TMEM167A: variants seen among roughly 807,000 people sequenced by gnomAD.
The protein encoded by TMEM167A is protein kish-A.
Under a neutral mutation model 11.6 loss-of-function variants are expected in TMEM167A, and 8 were observed. That is an observed-to-expected ratio of 0.69 (90% CI 0.40 to 1.24). TMEM167A has a LOEUF of 1.24. TMEM167A is among the 50% of genes most tolerant of loss of function. The probability of loss-of-function intolerance (pLI) is 0.01; values close to 1 mark genes in which losing one functional copy is unlikely to be tolerated. For synonymous variants in TMEM167A, 22 were observed against 28.0 expected (o/e 0.79, Z 0.67); for missense variants, 62 against 87.0 (o/e 0.71, Z 1.14).
rs2112236440 is a variant in TMEM167A at position 83,055,866 on chromosome 5, C to T, written c.*1218G>A. 1 of 151,980 alleles carries T rather than the reference C, an allele frequency of 6.6e-6. No individual in the cohort carries two copies. Among genetic ancestry groups the T allele is most frequent in the South Asian group, 2.1e-4 (1 of 4,824 alleles). 9.4% of individuals were successfully genotyped at this position (151,980 alleles called of 1,614,324 possible). A position where few individuals can be genotyped will look rare whatever the true frequency, so the allele number is the denominator to read the frequency against. ...TATCTTTATGATGAATTAATAGCTG[C>T]AAACAATCTAATTAATACTATCTAC... On this transcript the variant is annotated 3_prime_UTR_variant, in exon 4 of 4. Transcript: ENST00000502346.
chr5:83,062,806 C>A (rs1744425636), intron 2 of TMEM167A, among the ~76,000 whole-genome samples: 1 of 149,148 alleles, frequency 6.7e-6, no homozygotes, highest in Non-Finnish European at 1.5e-5. Context: ...ATTATTATCT[C>A]AAGAAAATCA....
In TMEM167A at chr5:83,065,124, A is replaced by AT; in HGVS notation, c.4-8_4-7insA. The AT allele has an allele frequency of 2.0e-6, 3 of 1,520,998 alleles. No individual in the cohort carries two copies. Among genetic ancestry groups the AT allele is most frequent in the Non-Finnish European group, 1.8e-6 (2 of 1,122,600 alleles). 94.2% of individuals were successfully genotyped at this position (1,520,998 alleles called of 1,614,324 possible). A position where few individuals can be genotyped will look rare whatever the true frequency, so the allele number is the denominator to read the frequency against. On this transcript the variant is annotated splice_polypyrimidine_tract_variant and splice_region_variant and intron_variant, in intron 1 of 3. Coordinates refer to ENST00000502346, the MANE Select transcript of TMEM167A (RefSeq NM_174909.5). ...GAAAATTGAAAATGGCAGACTAAAA[A>AT]GAAAAAAAAAAAAGAAAAATTAATA... is the stretch of plus-strand genomic sequence containing the variant.
At chr5:83,060,734 G>C (rs989161924) in intron 3 of TMEM167A, among the ~76,000 whole-genome samples, 1 of 151,928 alleles carries the variant, frequency 6.6e-6, no homozygotes, top group Non-Finnish European at 1.5e-5. Context: ...GGGAGACTGA[G>C]GCAGGAGAAA....
Position 83,055,860 on chromosome 5 carries a change from T to G in TMEM167A, c.*1224A>C, listed in dbSNP as rs1424839709. ...TCATTTTATCTTTATGATGAATTAA[T>G]AGCTGCAAACAATCTAATTAATACT... On this transcript the variant is annotated 3_prime_UTR_variant, in exon 4 of 4. Transcript: ENST00000502346. The G allele has an allele frequency of 6.6e-6, 1 of 152,024 alleles. No individual in the cohort carries two copies. Among genetic ancestry groups the G allele is most frequent in the East Asian group, 1.9e-4 (1 of 5,198 alleles). 9.4% of individuals were successfully genotyped at this position (152,024 alleles called of 1,614,324 possible).
At chr5:83,069,057 T>C (rs1744525386) in intron 1 of TMEM167A, among the ~76,000 whole-genome samples, 1 of 152,214 alleles carries the variant, frequency 6.6e-6, no homozygotes, top group Non-Finnish European at 1.5e-5. Flanking sequence ...AGTGTGTATA[T>C]ACGTTTGTGT....
intron 1 of TMEM167A, among the ~76,000 whole-genome samples, chr5:83,067,811 G>C (rs1471848164): frequency 2.6e-5 from 4 of 152,018 alleles, no homozygotes; most frequent in Non-Finnish European, 4.4e-5. Context: ...TCTCTAGATA[G>C]TTTTTAATCT....
intron 1 of TMEM167A, among the ~76,000 whole-genome samples, chr5:83,065,920 T>C (rs1469243763): frequency 2.0e-5 from 3 of 152,182 alleles, no homozygotes; most frequent in Admixed American, 2.0e-4. Flanking sequence ...AGCTCTAGCA[T>C]CACCTTTTTA....
chr5:83,063,807 A>G (rs956327310), intron 2 of TMEM167A, among the ~76,000 whole-genome samples: 2 of 152,142 alleles, frequency 1.3e-5, no homozygotes, highest in Non-Finnish European at 2.9e-5. Context: ...TGATAATGCT[A>G]TCAGGTCTAT....
At chr5:83,062,085 G>A (rs1744415387) in intron 2 of TMEM167A, 174 bp from the exon 3 acceptor site, 2 of 554,604 alleles carry the variant, frequency 3.6e-6, no homozygotes, top group East Asian at 3.1e-5. Context: ...TATGAAAGTA[G>A]GACACAATGA....
intron 1 of TMEM167A, among the ~76,000 whole-genome samples, chr5:83,076,014 T>C (rs1744648384): frequency 6.6e-6 from 1 of 152,238 alleles, no homozygotes; most frequent in African/African-American, 2.4e-5. Context: ...CTTATATTTA[T>C]AAGAAACAAA....
chr5:83,053,825 T>G lies in TMEM167A; in HGVS notation c.*3259A>C, dbSNP rs753744453. The G allele has an allele frequency of 5.9e-5, 9 of 152,070 alleles. No homozygotes were observed. The highest frequency in any genetic ancestry group is 1.0e-4 in the Non-Finnish European group (7 of 67,946). 9.4% of individuals were successfully genotyped at this position (152,070 alleles called of 1,614,324 possible). ...TGAACTGTCACTCTTCTTTATTTTCTTCTAGAATCCTGGGATTATCTGAAT... is the reference window on the plus strand; with the variant it reads ...TGAACTGTCACTCTTCTTTATTTTCGTCTAGAATCCTGGGATTATCTGAAT... On this transcript the variant is annotated 3_prime_UTR_variant, in exon 4 of 4. Coordinates refer to ENST00000502346, the MANE Select transcript of TMEM167A (RefSeq NM_174909.5).
At chr5:83,068,169 T>C (rs1014649920) in intron 1 of TMEM167A, among the ~76,000 whole-genome samples, 2 of 152,134 alleles carry the variant, frequency 1.3e-5, no homozygotes, top group African/African-American at 4.8e-5. Flanking sequence ...AATGACCTCA[T>C]AGAAAATAAA....
rs1488783010 is a variant in TMEM167A at position 83,070,186 on chromosome 5, C to A, written c.4-5069G>T. On this transcript the variant is annotated intron_variant, in intron 1 of 3. Coordinates refer to ENST00000502346, the MANE Select transcript of TMEM167A (RefSeq NM_174909.5). The stretch of plus-strand genomic sequence containing the variant: ...GCTTGCACACTGGAAAGTGTGTGTT[C>A]TTCTGACTTCTTTTAATTCTTAAGA... Among the ~76,000 whole-genome samples, 3 of 151,906 alleles carry A rather than the reference C, an allele frequency of 2.0e-5. No individual in the cohort carries two copies. The East Asian group carries it at 5.8e-4, about 29-fold the overall frequency.
Position 83,053,474 on chromosome 5 carries a change from T to C in TMEM167A, c.*3610A>G, listed in dbSNP as rs899011363. 1 of 152,010 alleles carries C rather than the reference T, an allele frequency of 6.6e-6. No homozygotes were observed. Among genetic ancestry groups the C allele is most frequent in the Admixed American group, 6.6e-5 (1 of 15,214 alleles). The allele number at this position is 152,010 out of a possible 1,614,324, so 9.4% of individuals were successfully genotyped here. ...AGTCTTCGGAAAGTATACTACTGTA[T>C]TCCTAGTCCAAAATAAGGTAGGCAT... is the stretch of plus-strand genomic sequence containing the variant. On this transcript the variant is annotated 3_prime_UTR_variant, in exon 4 of 4. Coordinates refer to ENST00000502346, the MANE Select transcript of TMEM167A (RefSeq NM_174909.5).
intron 3 of TMEM167A, among the ~76,000 whole-genome samples, chr5:83,059,203 C>G (rs960992127): frequency 6.7e-6 from 1 of 149,752 alleles, no homozygotes; most frequent in Non-Finnish European, 1.5e-5. Context: ...TATTTATACT[C>G]AGACATAAAA....
chr5:83,062,995 G>T (rs1744428716), intron 2 of TMEM167A, among the ~76,000 whole-genome samples: 1 of 151,738 alleles, frequency 6.6e-6, no homozygotes, highest in Admixed American at 6.6e-5. Flanking sequence ...AAAGCAAAAG[G>T]TCTCTTAGCC....
rs1744288974 is a variant in TMEM167A, at chr5:83,053,564, T to A, written c.*3520A>T. Reference sequence around the variant, plus strand: ...ATTTAAATTTCTGCCCTTGAGTAGTTTTGTGTTAGGCAGGAGGAAAAACAT... The same window carrying A: ...ATTTAAATTTCTGCCCTTGAGTAGTATTGTGTTAGGCAGGAGGAAAAACAT... On this transcript the variant is annotated 3_prime_UTR_variant, in exon 4 of 4. Transcript: ENST00000502346. 6.6e-6 allele frequency: 1 copy of A among 152,004 alleles called. No individual in the cohort carries two copies. Among genetic ancestry groups the A allele is most frequent in the African/African-American group, 2.4e-5 (1 of 41,416 alleles). The allele number at this position is 152,004 out of a possible 1,614,324, so 9.4% of individuals were successfully genotyped here. A position where few individuals can be genotyped will look rare whatever the true frequency, so the allele number is the denominator to read the frequency against.
intron 2 of TMEM167A, among the ~76,000 whole-genome samples, chr5:83,062,637 T>C (rs1245473722): frequency 6.6e-6 from 1 of 151,944 alleles, no homozygotes; most frequent in African/African-American, 2.4e-5. Flanking sequence ...GTATAACAAA[T>C]CATCTTTAAA....
chr5:83,057,877 T>TA (rs1335796663), intron 3 of TMEM167A, among the ~76,000 whole-genome samples: 4 of 152,076 alleles, frequency 2.6e-5, no homozygotes, highest in Admixed American at 2.6e-4. Flanking sequence ...CGCAAACAGA[T>TA]AGAGATCATG....
Sources: allele counts gnomAD v4.1 joint callset (sites outside exome capture counted in the v4.1 genomes callset), GRCh38; gene constraint gnomAD v4.1.1; transcripts MANE v1.5; gene names NCBI Gene and HGNC (gene_info 2026-07-23, HGNC 2026-07-21).